Variants in PTPRS observed in about 807,000 individuals in gnomAD.
PTPRS encodes protein tyrosine phosphatase receptor type S, also known as receptor-type tyrosine-protein phosphatase S.
A neutral mutation model predicts 215.3 loss-of-function variants in PTPRS; 63 were observed. The ratio of observed to expected loss-of-function variants is 0.29; its 90% CI spans 0.24 to 0.36. PTPRS has a LOEUF of 0.36. Among genes scored for constraint, PTPRS ranks in the 10% least tolerant of loss-of-function variants. The probability of loss-of-function intolerance (pLI) is 1.00; values close to 1 mark genes in which losing one functional copy is unlikely to be tolerated. For missense variants in PTPRS, 2,258 were observed against 2,825.8 expected (o/e 0.80, Z 4.56); for synonymous variants, 1,404 against 1,191.4 (o/e 1.18, Z -3.68).
chr19:5,212,778 G>A (rs895218669), intron 30 of PTPRS, among the ~76,000 whole-genome samples: 5 of 151,880 alleles, frequency 3.3e-5, no homozygotes, highest in African/African-American at 9.7e-5. Context: ...GGGAGGTGGA[G>A]ATTGCAGTGA....
Position 5,286,204 on chromosome 19 carries a change from G to A in PTPRS, c.-64C>T, listed in dbSNP as rs1486561632. Reference sequence around the variant, plus strand: ...TGGCCCCCCGGTCCCTCACAGAGAGGCCTCGAGCCGAGCGTCAGATGGGGC... The same window carrying A: ...TGGCCCCCCGGTCCCTCACAGAGAGACCTCGAGCCGAGCGTCAGATGGGGC... On this transcript the variant is annotated 5_prime_UTR_variant, in exon 2 of 38. Coordinates refer to ENST00000262963, the MANE Select transcript of PTPRS (RefSeq NM_002850.4). The A allele has an allele frequency of 6.4e-7, 1 of 1,570,316 alleles. No individual in the cohort carries two copies. The highest frequency in any genetic ancestry group is 1.4e-5 in the African/African-American group (1 of 73,722).
chr19:5,339,648 T>C lies in PTPRS; in HGVS notation c.-95+1016A>G, dbSNP rs1356683123. Among the ~76,000 whole-genome samples, 16 of 152,014 alleles carry C rather than the reference T, an allele frequency of 1.1e-4. No homozygotes were observed. In the East Asian group the frequency reaches 2.3e-3, roughly 22 times the overall value. On this transcript the variant is annotated intron_variant, in intron 1 of 37. Transcript: ENST00000262963. The surrounding 1 kb of genome is among the most constrained non-coding windows in gnomAD (Gnocchi z 4.2). ...ACTTGGCCGCAACCTGGCCGAACCCTCGCACCCACGGCGCGGGCACTCTAA... is the reference window on the plus strand; with the variant it reads ...ACTTGGCCGCAACCTGGCCGAACCCCCGCACCCACGGCGCGGGCACTCTAA...
chr19:5,257,956 G>T lies in PTPRS; in HGVS notation c.706+61C>A. On this transcript the variant is annotated intron_variant, in intron 8 of 37. Transcript: ENST00000262963. The surrounding 1 kb of genome is among the most constrained non-coding windows in gnomAD (Gnocchi z 4.4). ...GGGAGCCCGGAGGCGGTGAGCCCGA[G>T]GAGGGAGGGGGATGGGACGGGGCGG... 1 of 1,439,432 alleles carries T rather than the reference G, an allele frequency of 6.9e-7. No homozygotes were observed. 89.2% of individuals were successfully genotyped at this position (1,439,432 alleles called of 1,614,324 possible).
At chr19:5,336,203 C>T (rs2050493929) in intron 1 of PTPRS, among the ~76,000 whole-genome samples, 1 of 130,412 alleles carries the variant, frequency 7.7e-6, no homozygotes, top group Non-Finnish European at 1.6e-5. Context: ...AGAAATGGTA[C>T]GTCGGGTTTT....
At chr19:5,225,078 C>A (rs908644286) in intron 17 of PTPRS, among the ~76,000 whole-genome samples, 2 of 152,040 alleles carry the variant, frequency 1.3e-5, no homozygotes, top group Non-Finnish European at 2.9e-5. Flanking sequence ...ATCTTCACGG[C>A]AGCCTCTTTT....
At chr19:5,273,315 G>C in intron 4 of PTPRS, 127 bp downstream of exon 4, 1 of 1,326,802 alleles carries the variant, frequency 7.5e-7, no homozygotes, top group Non-Finnish European at 1.1e-6. Context: ...TTGGATAAGG[G>C]AGATCAAGGT....
In PTPRS at chr19:5,245,889, G is replaced by A. The variant is rs2044438033; in HGVS notation, c.875C>T (p.Pro292Leu). The A allele has an allele frequency of 1.2e-6, 2 of 1,613,966 alleles. No homozygotes were observed. Among genetic ancestry groups the A allele is most frequent in the Non-Finnish European group, 1.7e-6 (2 of 1,180,012 alleles). Residue 292 changes from proline (P) to leucine (L), a missense_variant, in exon 10 of 38, where the codon CCC (proline) becomes CTC (leucine). Pro to Leu is a moderately conservative substitution (Grantham distance 98). Transcript: ENST00000262963. ...AEDLTPEDDM[P>L]VGRNVLELTD... ...GAGTTCCAGCACGTTCCGACCCACG[G>A]GCATGTCATCCTCGGGGGTCAGGTC...
chr19:5,331,754 T>C (rs2050333357), intron 1 of PTPRS, among the ~76,000 whole-genome samples: 2 of 152,176 alleles, frequency 1.3e-5, no homozygotes, highest in South Asian at 4.1e-4. Flanking sequence ...CTGCCGCCAG[T>C]AGATAATTCG....
At chr19:5,279,889 T>C (rs1484186501) in intron 2 of PTPRS, among the ~76,000 whole-genome samples, 1 of 152,082 alleles carries the variant, frequency 6.6e-6, no homozygotes, top group Non-Finnish European at 1.5e-5. Context: ...TTCACCGTGT[T>C]AGCCAGGATG....
At chr19:5,322,502 C>A (rs549950375) in intron 1 of PTPRS, among the ~76,000 whole-genome samples, 174 of 152,190 alleles carry the variant, frequency 1.1e-3, no homozygotes, top group African/African-American at 4.0e-3. Context: ...CCCGCCCCGA[C>A]TGGCCGACTC....
chr19:5,304,599 C>T (rs1192948304), intron 1 of PTPRS, among the ~76,000 whole-genome samples: 4 of 152,098 alleles, frequency 2.6e-5, no homozygotes, highest in East Asian at 1.9e-4. Context: ...CAGTGAGCTG[C>T]GATCATGCCA....
intron 1 of PTPRS, among the ~76,000 whole-genome samples, chr19:5,297,510 G>T (rs2049171840): frequency 6.6e-6 from 1 of 152,142 alleles, no homozygotes; most frequent in South Asian, 2.1e-4. Context: ...ACTAGTTGCA[G>T]GGGGGATGGA....
In PTPRS at chr19:5,329,936, C is replaced by T. The variant is rs574232032; in HGVS notation, c.-95+10728G>A. ...TACCAAAAATACAAAAACTAGCCGC[C>T]GAGCATGGTGGCACATGCCTATAAT... On this transcript the variant is annotated intron_variant, in intron 1 of 37. Transcript: ENST00000262963. 9.2e-5 allele frequency among the ~76,000 whole-genome samples: 14 copies of T among 151,814 alleles called. 1 individual carries two copies. The highest frequency in any genetic ancestry group is 6.3e-4 in the South Asian group (3 of 4,790).
intron 4 of PTPRS, among the ~76,000 whole-genome samples, chr19:5,271,847 C>T (rs112886893): frequency 1.2e-4 from 18 of 151,464 alleles, no homozygotes; most frequent in Admixed American, 2.6e-4. Flanking sequence ...GCCTCAGCCT[C>T]CTGAGCAGCT....
chr19:5,218,336 G>C, intron 25 of PTPRS, 84 bp downstream of exon 25: 1 of 1,283,656 alleles, frequency 7.8e-7, no homozygotes. Flanking sequence ...GGGCCAATGA[G>C]GGGCCCCCAG....
At chr19:5,219,857 A>C in intron 22 of PTPRS, 82 bp downstream of exon 22, 1 of 1,460,792 alleles carries the variant, frequency 6.8e-7, no homozygotes, top group Non-Finnish European at 9.4e-7. Flanking sequence ...GTGACTGACC[A>C]CAGAGGTCAG....
intron 3 of PTPRS, among the ~76,000 whole-genome samples, chr19:5,273,929 A>G (rs1229330530): frequency 6.6e-6 from 1 of 152,224 alleles, no homozygotes; most frequent in Non-Finnish European, 1.5e-5. Context: ...AGAGTTGTAA[A>G]GTTCCTTCTG....
chr19:5,265,429 C>T (rs1207010727), intron 4 of PTPRS, among the ~76,000 whole-genome samples: 2 of 152,198 alleles, frequency 1.3e-5, no homozygotes, highest in African/African-American at 4.8e-5. Flanking sequence ...GCAGTCTCAA[C>T]AACCTGGGCT....
chr19:5,321,332 G>A (rs2050019573), intron 1 of PTPRS, among the ~76,000 whole-genome samples: 1 of 152,144 alleles, frequency 6.6e-6, no homozygotes, highest in Non-Finnish European at 1.5e-5. Flanking sequence ...CACGTCTACG[G>A]AGCATTCCGA....
Sources: allele counts gnomAD v4.1 joint callset (sites outside exome capture counted in the v4.1 genomes callset), GRCh38; gene constraint gnomAD v4.1.1; non-coding constraint Gnocchi (gnomAD v3.1); transcripts MANE v1.5; gene names NCBI Gene and HGNC (gene_info 2026-07-23, HGNC 2026-07-21).